PALS2: variants seen among roughly 807,000 people sequenced by gnomAD.
PALS2 encodes protein associated with LIN7 2, MAGUK p55 family member.
PALS2 carries 27 observed loss-of-function variants against 61.6 expected under a neutral mutation model. The observed-to-expected ratio is 0.44, with a 90% CI of 0.32 to 0.60. The LOEUF is 0.60. PALS2 is among the 20% of genes least tolerant of loss of function. The probability of loss-of-function intolerance (pLI) is 0.05; values close to 1 mark genes in which losing one functional copy is unlikely to be tolerated. For missense variants in PALS2, 554 were observed against 639.4 expected (o/e 0.87, Z 1.44); for synonymous variants, 236 against 218.6 (o/e 1.08, Z -0.70).
At chr7:24,587,926 T>C (rs1783135531) in intron 1 of PALS2, among the ~76,000 whole-genome samples, 1 of 152,200 alleles carries the variant, frequency 6.6e-6, no homozygotes, top group Admixed American at 6.5e-5. Flanking sequence ...TTTGATCTAT[T>C]TGTTATTTAG....
At chr7:24,678,507 A>G (rs1371762095) in intron 9 of PALS2, among the ~76,000 whole-genome samples, 1 of 152,196 alleles carries the variant, frequency 6.6e-6, no homozygotes, top group African/African-American at 2.4e-5. Context: ...AAAGATAGAT[A>G]ATTTGTGGGT....
At chr7:24,633,358 T>G (rs1176199310) in intron 2 of PALS2, among the ~76,000 whole-genome samples, 1 of 150,944 alleles carries the variant, frequency 6.6e-6, no homozygotes, top group South Asian at 2.1e-4. Flanking sequence ...GAGTTTTTTT[T>G]TTTTTTTTTT....
intron 2 of PALS2, among the ~76,000 whole-genome samples, chr7:24,624,760 C>T (rs1044993252): frequency 4.0e-5 from 6 of 151,816 alleles, no homozygotes; most frequent in African/African-American, 1.5e-4. Context: ...GCGTGTGCCA[C>T]CACCCCTGGC....
chr7:24,656,335 G>A (rs981580605), intron 5 of PALS2, among the ~76,000 whole-genome samples: 5 of 152,106 alleles, frequency 3.3e-5, no homozygotes, highest in Admixed American at 2.6e-4. Flanking sequence ...TAAGCATAGT[G>A]TATTCCTGTG....
At chr7:24,667,016 T>G (rs966902798) in intron 8 of PALS2, 1 of 152,100 alleles carries the variant, frequency 6.6e-6, no homozygotes, top group Admixed American at 6.6e-5. Flanking sequence ...TAAAAGAAAA[T>G]AATATAGAAG....
At chr7:24,577,526 C>T (rs1253674234) in intron 1 of PALS2, among the ~76,000 whole-genome samples, 4 of 152,236 alleles carry the variant, frequency 2.6e-5, no homozygotes, top group South Asian at 4.1e-4. Flanking sequence ...CCCTCCTTCA[C>T]CAATTTACAT....
chr7:24,670,649 G>A (rs1787249875), intron 9 of PALS2, among the ~76,000 whole-genome samples: 1 of 152,186 alleles, frequency 6.6e-6, no homozygotes, highest in East Asian at 1.9e-4. Context: ...TTCAAAAGCT[G>A]TTACAACGTC....
intron 2 of PALS2, among the ~76,000 whole-genome samples, chr7:24,640,066 C>G (rs1785444829): frequency 1.3e-5 from 2 of 152,012 alleles, no homozygotes; most frequent in Non-Finnish European, 2.9e-5. Context: ...ATCTGCCCAT[C>G]TTGGCCTCCC....
At chr7:24,676,473 C>A (rs575177101) in intron 9 of PALS2, among the ~76,000 whole-genome samples, 1 of 151,566 alleles carries the variant, frequency 6.6e-6, no homozygotes, top group African/African-American at 2.4e-5. Flanking sequence ...TGAATGGTAA[C>A]GCCTAGGTTT....
At chr7:24,645,344 G>A (rs553172759) in intron 3 of PALS2, among the ~76,000 whole-genome samples, 6 of 152,230 alleles carry the variant, frequency 3.9e-5, no homozygotes, top group Non-Finnish European at 4.4e-5. Flanking sequence ...TGGCTAGCTG[G>A]TTATCCCAGC....
Position 24,618,448 on chromosome 7 carries a change from A to G in PALS2, c.-2-5218A>G, listed in dbSNP as rs1160959718. On this transcript the variant is annotated intron_variant, in intron 1 of 11. Transcript: ENST00000222644. This position sits in a 1 kb window ranked among gnomAD's most constrained non-coding sequence, Gnocchi z 5.1. ...GGAAAAGTGCAGGGTGTACTTCAGAAATGGTTCTGGTCTCAAGGTGATCGG... is the reference window on the plus strand; with the variant it reads ...GGAAAAGTGCAGGGTGTACTTCAGAGATGGTTCTGGTCTCAAGGTGATCGG... Among the ~76,000 whole-genome samples, 3 of 152,168 alleles carry G rather than the reference A, an allele frequency of 2.0e-5. No homozygotes were observed. The highest frequency in any genetic ancestry group is 4.8e-5 in the African/African-American group (2 of 41,444).
rs1180598717 is a variant in PALS2, at chr7:24,693,223, G to A, written c.*5609G>A. The stretch of plus-strand genomic sequence containing the variant: ...TGTCTTTGAATCTTATGAAATAGGT[G>A]GTGTTGCTACCACAGAAGCCAAAAA... On this transcript the variant is annotated 3_prime_UTR_variant, in exon 12 of 12. Coordinates refer to ENST00000222644, the MANE Select transcript of PALS2 (RefSeq NM_001303037.2). 6.6e-6 allele frequency: 1 copy of A among 152,074 alleles called. No individual in the cohort carries two copies. The highest frequency in any genetic ancestry group is 1.5e-5 in the Non-Finnish European group (1 of 67,984). 9.4% of individuals were successfully genotyped at this position (152,074 alleles called of 1,614,324 possible).
At chr7:24,585,705 A>T (rs1783037499) in intron 1 of PALS2, among the ~76,000 whole-genome samples, 1 of 151,774 alleles carries the variant, frequency 6.6e-6, no homozygotes, top group Non-Finnish European at 1.5e-5. Context: ...TTATTTATTT[A>T]TTTATTTTTT....
Position 24,585,972 on chromosome 7 carries a change from A to G in PALS2, c.-3+12379A>G, listed in dbSNP as rs572563960. On this transcript the variant is annotated intron_variant, in intron 1 of 11. Coordinates refer to ENST00000222644, the MANE Select transcript of PALS2 (RefSeq NM_001303037.2). ...CTTGGAGTTCCCTCTTTTGCAAATTATCTCCAAAAAGAGCAACTTAGAATT... is the reference window on the plus strand; with the variant it reads ...CTTGGAGTTCCCTCTTTTGCAAATTGTCTCCAAAAAGAGCAACTTAGAATT... 1.1e-4 allele frequency among the ~76,000 whole-genome samples: 17 copies of G among 152,268 alleles called. 1 individual carries two copies. The East Asian group carries it at 3.3e-3, about 29-fold the overall frequency.
chr7:24,619,151 A>G (rs1447371844), intron 1 of PALS2, among the ~76,000 whole-genome samples: 1 of 152,100 alleles, frequency 6.6e-6, no homozygotes, highest in Non-Finnish European at 1.5e-5. Flanking sequence ...GTTTACTCAT[A>G]CTTTCCTGCT....
chr7:24,630,595 C>A (rs1033335446), intron 2 of PALS2, among the ~76,000 whole-genome samples: 1 of 152,198 alleles, frequency 6.6e-6, no homozygotes, highest in Admixed American at 6.5e-5. Flanking sequence ...GCAGACACAG[C>A]AGCTTTGTTT....
At chr7:24,625,044 T>A (rs1784684596) in intron 2 of PALS2, among the ~76,000 whole-genome samples, 1 of 152,224 alleles carries the variant, frequency 6.6e-6, no homozygotes. Context: ...GCCTTTCCAA[T>A]GTTCATTAGA....
rs1053962 is a variant in PALS2, at chr7:24,663,679, G to A, written c.741G>A (p.Glu247=). The change falls in exon 6 of 12, where the codon GAG becomes GAA. Residue 247 remains glutamate (E), a synonymous_variant. Transcript: ENST00000222644. ...KEAGLKFSKG[E]ILQIVNREDP... is the part of the protein sequence containing the mutation. ...CAGGATTGAAGTTTTCCAAAGGAGA[G>A]ATTCTTCAGATTGTAAATAGAGAAG... 0.4 allele frequency: 636,656 copies of A among 1,606,654 alleles called. 141,315 individuals are homozygous for A. Among genetic ancestry groups the A allele is most frequent in the African/African-American group, 0.84 (62,543 of 74,676 alleles).
At chr7:24,590,733 T>C (rs527689009) in intron 1 of PALS2, among the ~76,000 whole-genome samples, 2 of 152,178 alleles carry the variant, frequency 1.3e-5, no homozygotes, top group East Asian at 3.9e-4. Flanking sequence ...TGGCAGCTTC[T>C]GAACTCCTGG....
Sources: gnomAD v4.1 joint callset for allele counts (sites outside exome capture counted in the v4.1 genomes callset) on GRCh38, gnomAD v4.1.1 for gene constraint, Gnocchi (gnomAD v3.1) non-coding constraint, MANE v1.5 for transcripts, NCBI Gene and HGNC (gene_info 2026-07-23, HGNC 2026-07-21) for gene names.